Variants in FREM2 observed in about 807,000 individuals in gnomAD.
FREM2 encodes the protein FRAS1-related extracellular matrix protein 2.
A neutral mutation model predicts 219.9 loss-of-function variants in FREM2; 119 were observed. The ratio of observed to expected loss-of-function variants is 0.54; its 90% CI spans 0.47 to 0.63. FREM2 has a LOEUF of 0.63. FREM2 is among the 30% of genes least tolerant of loss of function. The pLI is 0.00. For missense variants in FREM2, 4,030 were observed against 3,993.6 expected, an observed-to-expected ratio of 1.01 and a Z score of -0.25; for synonymous variants, 1,562 against 1,522.8, an observed-to-expected ratio of 1.03 and a Z score of -0.60.
rs372404831 is a variant in FREM2, at chr13:38,691,784, G to A, written c.4440G>A (p.Thr1480=). The change falls in exon 1 of 24, where the codon ACG becomes ACA. Residue 1480 remains threonine, a synonymous_variant. Coordinates refer to ENST00000280481, the MANE Select transcript of FREM2 (RefSeq NM_207361.6). ...ECTDQPGVSI[T]SFTQLQLAGN... Reference sequence around the variant, plus strand: ...CGGATCAGCCTGGTGTGTCCATCACGTCTTTCACTCAGCTGCAACTGGCTG... The same window carrying A: ...CGGATCAGCCTGGTGTGTCCATCACATCTTTCACTCAGCTGCAACTGGCTG... The A allele has an allele frequency of 2.2e-5, 35 of 1,614,018 alleles. No homozygotes were observed. The highest frequency in any genetic ancestry group is 6.7e-5 in the East Asian group (3 of 44,888).
chr13:38,693,009 C>T (rs902406211), intron 1 of FREM2, among the ~76,000 whole-genome samples: 3 of 152,156 alleles, frequency 2.0e-5, no homozygotes, highest in South Asian at 2.1e-4. Flanking sequence ...TGCTCTGACA[C>T]GGTTATAGTT....
chr13:38,699,476 C>T (rs563684545), intron 2 of FREM2, among the ~76,000 whole-genome samples: 20 of 152,024 alleles, frequency 1.3e-4, no homozygotes, highest in African/African-American at 3.4e-4. Flanking sequence ...TGAAGGGGCT[C>T]GGTTTATGTT....
chr13:38,690,267 G>A lies in FREM2; in HGVS notation c.2923G>A (p.Glu975Lys). 1 of 1,614,192 alleles carries A rather than the reference G, an allele frequency of 6.2e-7. No homozygotes were observed. Among genetic ancestry groups the A allele is most frequent in the Admixed American group, 1.7e-5 (1 of 60,030 alleles). ...TANVIKGTNE[E>K]TDDLMLTFLL... ...CAATGTTATTAAGGGGACCAATGAGGAAACTGATGACTTGATGTTGACTTT... is the reference window on the plus strand; with the variant it reads ...CAATGTTATTAAGGGGACCAATGAGAAAACTGATGACTTGATGTTGACTTT... Residue 975 changes from glutamate (E) to lysine (K), a missense_variant, in exon 1 of 24, where the codon GAA becomes AAA. By Grantham distance (56) the Glu-to-Lys change is moderately conservative (BLOSUM62 1). Coordinates refer to ENST00000280481, the MANE Select transcript of FREM2 (RefSeq NM_207361.6).
intron 2 of FREM2, among the ~76,000 whole-genome samples, chr13:38,752,953 C>T (rs983048954): frequency 6.6e-6 from 1 of 152,152 alleles, no homozygotes; most frequent in African/African-American, 2.4e-5. Context: ...CTGGTTTGAA[C>T]AGAGACCTGA....
chr13:38,692,223 G>A lies in FREM2; in HGVS notation c.4879G>A (p.Asp1627Asn), dbSNP rs1487956611. The A allele has an allele frequency of 2.5e-6, 4 of 1,614,184 alleles. No individual in the cohort carries two copies. The East Asian group carries it at 6.7e-5, about 27-fold the overall frequency. The change falls in exon 1 of 24, where the codon GAC (aspartate) becomes AAC (asparagine). Residue 1627 changes from aspartate to asparagine, a missense_variant. By Grantham distance (23) the Asp-to-Asn change is conservative. Transcript: ENST00000280481. ...SFTVTDGTHT[D>N]FYVFPDTVFE... ...CACAGTGACTGATGGCACCCATACA[G>A]ACTTCTATGTTTTTCCTGATACGGT...
intron 6 of FREM2, among the ~76,000 whole-genome samples, chr13:38,788,678 A>ATTTTGTCATATTGTGCCC (rs1874431491): frequency 1.3e-5 from 2 of 151,920 alleles, no homozygotes; most frequent in Non-Finnish European, 2.9e-5. Flanking sequence ...TTACATATTT[A>ATTTTGTCATATTGTGCCC]TTTTGTCATA....
At chr13:38,851,178 G>C in intron 10 of FREM2, 70 bp downstream of exon 10, 1 of 1,532,292 alleles carries the variant, frequency 6.5e-7, no homozygotes, top group Non-Finnish European at 8.9e-7. Flanking sequence ...AAGGTTTTAA[G>C]TGACTCAGAA....
chr13:38,850,909 G>A (rs776600170), intron 9 of FREM2, 35 bp from the exon 10 acceptor site: 1 of 1,605,594 alleles, frequency 6.2e-7, no homozygotes, highest in Non-Finnish European at 8.5e-7. Context: ...ATATTCCTAT[G>A]GGATGTGATT....
intron 16 of FREM2, among the ~76,000 whole-genome samples, chr13:38,868,983 G>C (rs1055619920): frequency 2.9e-4 from 44 of 152,222 alleles, no homozygotes; most frequent in Non-Finnish European, 7.3e-5. Context: ...ACCCAGGTCT[G>C]TTTGTCCTCA....
intron 2 of FREM2, among the ~76,000 whole-genome samples, chr13:38,734,407 A>G (rs939424532): frequency 2.6e-5 from 4 of 152,154 alleles, no homozygotes; most frequent in African/African-American, 9.6e-5. Context: ...AATACTTTAT[A>G]TATAACTAGT....
intron 14 of FREM2, among the ~76,000 whole-genome samples, chr13:38,860,449 A>G (rs1877719976): frequency 6.6e-6 from 1 of 152,196 alleles, no homozygotes; most frequent in African/African-American, 2.4e-5. Flanking sequence ...CTATTTCTAA[A>G]TCATCTATTT....
rs571211228 is a variant in FREM2 at position 38,747,931 on chromosome 13, T to A, written c.5264-16373T>A. On this transcript the variant is annotated intron_variant, in intron 2 of 23. Transcript: ENST00000280481. ...ATAGCTTCAGAAGCATTCTTCTTAG[T>A]AAGCCTTTAAATCCCTTATCAGAGC... 2.0e-5 allele frequency among the ~76,000 whole-genome samples: 3 copies of A among 152,316 alleles called. No homozygotes were observed. In the East Asian group the frequency reaches 5.8e-4, roughly 29 times the overall value.
chr13:38,689,277 C>G lies in FREM2; in HGVS notation c.1933C>G (p.Gln645Glu), dbSNP rs1593341712. The change falls in exon 1 of 24, where the codon CAG becomes GAG. Residue 645 changes from glutamine to glutamate, a missense_variant. Coordinates refer to ENST00000280481, the MANE Select transcript of FREM2 (RefSeq NM_207361.6). ...FYERTVTEWQ[Q>E]QDITEGRLFY... is the part of the protein sequence containing the mutation. Reference sequence around the variant, plus strand: ...TGAGCGAACAGTGACAGAGTGGCAGCAGCAGGACATAACAGAGGGCAGGCT... The same window carrying G: ...TGAGCGAACAGTGACAGAGTGGCAGGAGCAGGACATAACAGAGGGCAGGCT... 1.2e-6 allele frequency: 2 copies of G among 1,614,076 alleles called. No homozygotes were observed. Among genetic ancestry groups the G allele is most frequent in the African/African-American group, 1.3e-5 (1 of 75,028 alleles).
intron 6 of FREM2, among the ~76,000 whole-genome samples, chr13:38,807,145 G>T: frequency 8.2e-6 from 1 of 122,290 alleles, no homozygotes; most frequent in African/African-American, 2.9e-5. Context: ...TCAACCCCCT[G>T]CTCATGTTGA....
At chr13:38,863,469 G>T (rs1877837236) in intron 15 of FREM2, among the ~76,000 whole-genome samples, 1 of 152,050 alleles carries the variant, frequency 6.6e-6, no homozygotes, top group Non-Finnish European at 1.5e-5. Context: ...CTGAGGAATT[G>T]TTATTTATTC....
chr13:38,775,135 G>T (rs905697395), intron 4 of FREM2, among the ~76,000 whole-genome samples: 1 of 152,198 alleles, frequency 6.6e-6, no homozygotes. Context: ...TTCTGAATGA[G>T]CCAAACCGAT....
chr13:38,844,484 C>A lies in FREM2; in HGVS notation c.6020-2089C>A, dbSNP rs61947988. On this transcript the variant is annotated intron_variant, in intron 6 of 23. Coordinates refer to ENST00000280481, the MANE Select transcript of FREM2 (RefSeq NM_207361.6). ...CACATTAAGCTATAAAGTAAAACTA[C>A]GTGTTTTGGAGTTGACAGAATGAGT... Among the ~76,000 whole-genome samples, 793 of 152,230 alleles carry A rather than the reference C, an allele frequency of 5.2e-3. 5 individuals carry two copies. The highest frequency in any genetic ancestry group is 0.01 in the Middle Eastern group (3 of 294).
intron 2 of FREM2, among the ~76,000 whole-genome samples, chr13:38,743,427 A>T (rs1872329141): frequency 6.6e-6 from 1 of 152,016 alleles, no homozygotes; most frequent in Non-Finnish European, 1.5e-5. Context: ...CCCCCAGCAG[A>T]TTTCAAAATT....
At chr13:38,849,591 G>A (rs1387118498) in intron 8 of FREM2, among the ~76,000 whole-genome samples, 2 of 152,122 alleles carry the variant, frequency 1.3e-5, no homozygotes, top group Non-Finnish European at 2.9e-5. Context: ...TATTGTCAAT[G>A]AGCCCTATAC....
Sources: gnomAD v4.1 joint callset for allele counts (sites outside exome capture counted in the v4.1 genomes callset) on GRCh38, gnomAD v4.1.1 for gene constraint, MANE v1.5 for transcripts, NCBI Gene and HGNC (gene_info 2026-07-23, HGNC 2026-07-21) for gene names.